ADAMTS5: variants seen among roughly 807,000 people sequenced by gnomAD.
The protein encoded by ADAMTS5 is A disintegrin and metalloproteinase with thrombospondin motifs 5.
ADAMTS5 carries 54 observed loss-of-function variants against 81.4 expected under a neutral mutation model. That is an observed-to-expected ratio of 0.66 (90% confidence interval 0.53 to 0.83). ADAMTS5 has a LOEUF of 0.83. Among genes scored for constraint, ADAMTS5 ranks in the 40% least tolerant of loss-of-function variants. The pLI is 0.00. For synonymous variants in ADAMTS5, 532 were observed against 508.8 expected (o/e 1.05, Z -0.61); for missense variants, 1,194 against 1,229.9 (o/e 0.97, Z 0.44).
intron 1 of ADAMTS5, among the ~76,000 whole-genome samples, chr21:26,958,004 T>C (rs914886940): frequency 6.6e-6 from 1 of 152,160 alleles, no homozygotes; most frequent in Non-Finnish European, 1.5e-5. Context: ...CAGTAAAGGA[T>C]GCTGCCTTGA....
intron 2 of ADAMTS5, among the ~76,000 whole-genome samples, chr21:26,951,340 C>T (rs1987312169): frequency 6.6e-6 from 1 of 152,016 alleles, no homozygotes; most frequent in Non-Finnish European, 1.5e-5. Flanking sequence ...ACACTGTTTG[C>T]ATAAAGGAAA....
intron 3 of ADAMTS5, among the ~76,000 whole-genome samples, chr21:26,938,761 C>G (rs898211358): frequency 6.6e-6 from 1 of 152,192 alleles, no homozygotes; most frequent in Admixed American, 6.5e-5. Flanking sequence ...AACTCCTGAC[C>G]TCAGGTGATC....
At chr21:26,946,988 A>T (rs913125372) in intron 2 of ADAMTS5, among the ~76,000 whole-genome samples, 7 of 152,194 alleles carry the variant, frequency 4.6e-5, no homozygotes, top group Middle Eastern at 3.4e-3. Flanking sequence ...AGGACGTGAA[A>T]CTCCTAGTGA....
intron 1 of ADAMTS5, among the ~76,000 whole-genome samples, chr21:26,964,487 T>G (rs937902368): frequency 1.3e-5 from 2 of 152,240 alleles, no homozygotes; most frequent in Non-Finnish European, 2.9e-5. Context: ...TCTTCTGCAC[T>G]GGGGCTTCGG....
intron 6 of ADAMTS5, among the ~76,000 whole-genome samples, chr21:26,930,860 A>C (rs1986894826): frequency 6.6e-6 from 1 of 152,090 alleles, no homozygotes; most frequent in Non-Finnish European, 1.5e-5. Context: ...AGTAGAATAT[A>C]CTTTATCAGG....
At position 26,932,142 on chromosome 21, in the gene ADAMTS5, A is replaced by G; in HGVS notation, c.1911T>C (p.Asn637=). The G allele has an allele frequency of 3.1e-6, 5 of 1,614,160 alleles. No individual in the cohort carries two copies. The highest frequency in any genetic ancestry group is 3.3e-5 in the Admixed American group (2 of 60,016). ...SFRHEQCEAK[N]GYQSDAKGVK... is the part of the protein sequence containing the mutation. Reference sequence around the variant, plus strand: ...CTCCTTTTGCATCAGACTGATAGCCATTTTTGGCCTCACACTGTTCATGAC... The same window carrying G: ...CTCCTTTTGCATCAGACTGATAGCCGTTTTTGGCCTCACACTGTTCATGAC... The change falls in exon 6 of 8, where the codon AAT becomes AAC. Residue 637 remains asparagine (N), a synonymous_variant. Coordinates refer to ENST00000284987, the MANE Select transcript of ADAMTS5 (RefSeq NM_007038.5).
rs572653668 is a variant in ADAMTS5, at chr21:26,966,638, G to C, written c.-247C>G. 8.5e-6 allele frequency: 1 copy of C among 117,494 alleles called. No homozygotes were observed. The highest frequency in any genetic ancestry group is 1.7e-5 in the Non-Finnish European group (1 of 59,452). 7.3% of individuals were successfully genotyped at this position (117,494 alleles called of 1,614,324 possible). On this transcript the variant is annotated 5_prime_UTR_variant, in exon 1 of 8. Transcript: ENST00000284987. ...TGCTCCAGAAAGAGGTGGGGTGGGGGGGGGGGGAAAGAAAAGATTAAAAAA... is the reference window on the plus strand; with the variant it reads ...TGCTCCAGAAAGAGGTGGGGTGGGGCGGGGGGGAAAGAAAAGATTAAAAAA...
At chr21:26,938,657 G>A (rs1191802639) in intron 3 of ADAMTS5, among the ~76,000 whole-genome samples, 1 of 152,170 alleles carries the variant, frequency 6.6e-6, no homozygotes, top group East Asian at 1.9e-4. Flanking sequence ...AGCCTCCTGA[G>A]TAGCTGGGAT....
rs867411870 is a variant in ADAMTS5 at position 26,965,980 on chromosome 21, C to G, written c.412G>C (p.Gly138Arg). 25 of 1,613,180 alleles carry G rather than the reference C, an allele frequency of 1.5e-5. No homozygotes were observed. The Middle Eastern group carries it at 3.1e-3, about 202-fold the overall frequency. The change falls in exon 1 of 8, where the codon GGT (glycine) becomes CGT (arginine). Residue 138 changes from glycine (G) to arginine (R), a missense_variant. Gly to Arg is a moderately radical substitution (Grantham distance 125). Coordinates refer to ENST00000284987, the MANE Select transcript of ADAMTS5 (RefSeq NM_007038.5). ...AAGACAGCCAGAGAGCGGGGACTAC[C>G]GTCCACTGTGCCCCGATAGAAGCAG... ...SHCFYRGTVD[G>R]SPRSLAVFDL...
rs1188101733 is a variant in ADAMTS5 at position 26,924,391 on chromosome 21, G to A, written c.2455C>T (p.His819Tyr). Reference sequence around the variant, plus strand: ...TTCGTGGCAGAGTAGCCCATGCCATGCAGGAAGTCATCCCTGTGGCTCCAA... The same window carrying A: ...TTCGTGGCAGAGTAGCCCATGCCATACAGGAAGTCATCCCTGTGGCTCCAA... ...SGWSHRDDFL[H>Y]GMGYSATKEI... is the part of the protein sequence containing the mutation. Residue 819 changes from histidine (H) to tyrosine (Y), a missense_variant, in exon 8 of 8, where the codon CAT (histidine) becomes TAT (tyrosine). This residue lies in a region of ADAMTS5 where 696 missense variants were observed against 817.6 expected (regional missense o/e 0.85). Coordinates refer to ENST00000284987, the MANE Select transcript of ADAMTS5 (RefSeq NM_007038.5). The A allele has an allele frequency of 6.2e-7, 1 of 1,614,062 alleles. No individual in the cohort carries two copies. The highest frequency in any genetic ancestry group is 8.5e-7 in the Non-Finnish European group (1 of 1,179,900).
chr21:26,942,502 G>T (rs1462015406), intron 3 of ADAMTS5, among the ~76,000 whole-genome samples: 5 of 152,038 alleles, frequency 3.3e-5, no homozygotes, highest in Non-Finnish European at 7.4e-5. Flanking sequence ...GTCCATTTCT[G>T]TAACATAGGA....
chr21:26,959,417 A>G (rs578015986), intron 1 of ADAMTS5, among the ~76,000 whole-genome samples: 6 of 152,302 alleles, frequency 3.9e-5, no homozygotes, highest in Non-Finnish European at 7.4e-5. Context: ...AAATGCTCCA[A>G]ATCTCAAGTT....
In ADAMTS5 at chr21:26,924,288, T is replaced by C. The variant is rs1195790160; in HGVS notation, c.2558A>G (p.Lys853Arg). Reference sequence around the variant, plus strand: ...AGAGTTTACTTTTGGAGTGGACTTCTTGGGAACAAAAAAGCTATAACGGAC... The same window carrying C: ...AGAGTTTACTTTTGGAGTGGACTTCCTGGGAACAAAAAAGCTATAACGGAC... The part of the protein sequence containing the change: ...LDVRYSFFVP[K>R]KSTPKVNSVT... Residue 853 changes from lysine (K) to arginine (R), a missense_variant, in exon 8 of 8, where the codon AAG becomes AGG. Coordinates refer to ENST00000284987, the MANE Select transcript of ADAMTS5 (RefSeq NM_007038.5). 6.2e-7 allele frequency: 1 copy of C among 1,614,198 alleles called. No individual in the cohort carries two copies. The highest frequency in any genetic ancestry group is 2.2e-5 in the East Asian group (1 of 44,880).
intron 3 of ADAMTS5, among the ~76,000 whole-genome samples, 192 bp from the exon 4 acceptor site, chr21:26,934,941 G>A (rs1024686046): frequency 6.6e-6 from 1 of 152,116 alleles, no homozygotes; most frequent in Non-Finnish European, 1.5e-5. Context: ...GACCCTCCAG[G>A]GTTCTCAGGA....
chr21:26,963,397 G>A (rs1987567363), intron 1 of ADAMTS5, among the ~76,000 whole-genome samples: 1 of 151,816 alleles, frequency 6.6e-6, no homozygotes, highest in Non-Finnish European at 1.5e-5. Context: ...TTATGGGGCA[G>A]GAGGTAGGAA....
intron 1 of ADAMTS5, 69 bp from the exon 2 acceptor site, chr21:26,954,940 C>G (rs1189523981): frequency 1.3e-6 from 2 of 1,569,452 alleles, no homozygotes; most frequent in Non-Finnish European, 1.7e-6. Context: ...CATAGAGCCA[C>G]TTGCTTACCC....
At chr21:26,932,507 CAT>C (rs1375435711) in intron 5 of ADAMTS5, among the ~76,000 whole-genome samples, 3 of 152,096 alleles carry the variant, frequency 2.0e-5, no homozygotes, top group African/African-American at 7.2e-5. Context: ...GTCTGGCCAA[CAT>C]AGTGAAACCC....
chr21:26,963,267 G>T (rs1329763852), intron 1 of ADAMTS5, among the ~76,000 whole-genome samples: 3 of 151,764 alleles, frequency 2.0e-5, no homozygotes, highest in Admixed American at 6.6e-5. Flanking sequence ...TTAAGTTTCA[G>T]ACTTTGGAAA....
At chr21:26,945,960 CTT>C (rs1319563427) in intron 2 of ADAMTS5, among the ~76,000 whole-genome samples, 1 of 152,162 alleles carries the variant, frequency 6.6e-6, no homozygotes, top group African/African-American at 2.4e-5. Context: ...GAGATCGACT[CTT>C]TTGAGGGCGA....
Sources: gnomAD v4.1 joint callset for allele counts (sites outside exome capture counted in the v4.1 genomes callset) on GRCh38, gnomAD v4.1.1 for gene constraint, gnomAD v4.1.1 regional missense constraint, MANE v1.5 for transcripts, NCBI Gene and HGNC (gene_info 2026-07-23, HGNC 2026-07-21) for gene names.